Variants in ERBB4 observed in about 807,000 individuals in gnomAD.
ERBB4 encodes erb-b2 receptor tyrosine kinase 4.
A neutral mutation model predicts 158.0 loss-of-function variants in ERBB4; 42 were observed. The ratio of observed to expected loss-of-function variants is 0.27; its 90% confidence interval spans 0.21 to 0.34. ERBB4 has a LOEUF of 0.34. Among genes scored for constraint, ERBB4 ranks in the 10% least tolerant of loss-of-function variants. The pLI is 1.00. For missense variants in ERBB4, 1,333 were observed against 1,624.1 expected, an observed-to-expected ratio of 0.82 and a Z score of 3.08; for synonymous variants, 583 against 558.7, an observed-to-expected ratio of 1.04 and a Z score of -0.61.
At chr2:212,386,204 C>T (rs1287916401) in intron 1 of ERBB4, among the ~76,000 whole-genome samples, 7 of 151,764 alleles carry the variant, frequency 4.6e-5, no homozygotes, top group Non-Finnish European at 1.0e-4. Context: ...AAGGATTCAC[C>T]TTCCAGGTAA....
intron 20 of ERBB4, among the ~76,000 whole-genome samples, chr2:211,547,767 A>T (rs555961655): frequency 6.6e-6 from 1 of 152,252 alleles, no homozygotes; most frequent in South Asian, 2.1e-4. Flanking sequence ...CTGTTAAAAA[A>T]AAAAAGTACC....
At chr2:211,441,583 A>T (rs2063977464) in intron 20 of ERBB4, among the ~76,000 whole-genome samples, 1 of 152,102 alleles carries the variant, frequency 6.6e-6, no homozygotes, top group Non-Finnish European at 1.5e-5. Flanking sequence ...CTCTTCACTG[A>T]TATCTGCAGT....
At chr2:212,061,169 T>C (rs940779032) in intron 2 of ERBB4, among the ~76,000 whole-genome samples, 1 of 151,448 alleles carries the variant, frequency 6.6e-6, no homozygotes, top group Non-Finnish European at 1.5e-5. Flanking sequence ...TTAAAGAGGA[T>C]ATGGAGGCCC....
At chr2:212,251,413 C>T (rs895688472) in intron 1 of ERBB4, among the ~76,000 whole-genome samples, 1 of 151,872 alleles carries the variant, frequency 6.6e-6, no homozygotes, top group African/African-American at 2.4e-5. Context: ...AATCCCTGTC[C>T]TCAAGTACCT....
At chr2:212,206,612 G>C (rs1440954823) in intron 1 of ERBB4, among the ~76,000 whole-genome samples, 1 of 83,418 alleles carries the variant, frequency 1.2e-5, no homozygotes, top group African/African-American at 5.7e-5. Context: ...TTTTGAGACG[G>C]AGTCTCGCTC....
chr2:212,152,308 T>C (rs1372729625), intron 1 of ERBB4, among the ~76,000 whole-genome samples: 2 of 152,152 alleles, frequency 1.3e-5, no homozygotes, highest in Admixed American at 1.3e-4. Flanking sequence ...CCAGAATTAC[T>C]GTGATAATTA....
chr2:212,190,502 A>C (rs1413275421), intron 1 of ERBB4, among the ~76,000 whole-genome samples: 4 of 150,002 alleles, frequency 2.7e-5, no homozygotes, highest in Non-Finnish European at 3.0e-5. Context: ...GTGCCATTGC[A>C]CTCCAGCCTG....
intron 1 of ERBB4, among the ~76,000 whole-genome samples, chr2:212,269,731 C>G (rs1265673480): frequency 6.6e-6 from 1 of 151,728 alleles, no homozygotes; most frequent in Non-Finnish European, 1.5e-5. Flanking sequence ...TTTCTTTCTA[C>G]TTTATGAATA....
chr2:211,851,208 G>T (rs556562131), intron 3 of ERBB4, among the ~76,000 whole-genome samples: 7 of 151,834 alleles, frequency 4.6e-5, no homozygotes, highest in African/African-American at 1.7e-4. Flanking sequence ...AACTGCAAAA[G>T]AAAATTCACA....
intron 25 of ERBB4, among the ~76,000 whole-genome samples, chr2:211,391,750 T>C (rs2062804102): frequency 6.6e-6 from 1 of 152,242 alleles, no homozygotes; most frequent in African/African-American, 2.4e-5. Flanking sequence ...CTTTGTCTCA[T>C]ATGCACAGTA....
intron 6 of ERBB4, among the ~76,000 whole-genome samples, chr2:211,724,462 T>G (rs932395140): frequency 9.2e-5 from 14 of 152,040 alleles, no homozygotes; most frequent in Admixed American, 8.5e-4. Context: ...ATTTTTACGA[T>G]TTTTAGCTTT....
At chr2:212,511,329 T>G (rs1213235562) in intron 1 of ERBB4, among the ~76,000 whole-genome samples, 1 of 152,188 alleles carries the variant, frequency 6.6e-6, no homozygotes, top group African/African-American at 2.4e-5. Flanking sequence ...ACAGTTTTTA[T>G]GAGAATCAAA....
intron 16 of ERBB4, among the ~76,000 whole-genome samples, chr2:211,653,063 G>C (rs1353883854): frequency 6.6e-6 from 1 of 152,036 alleles, no homozygotes; most frequent in Non-Finnish European, 1.5e-5. Context: ...TATGAAAATA[G>C]CATGTATGCA....
At chr2:212,233,583 TATC>T in intron 1 of ERBB4, among the ~76,000 whole-genome samples, 1 of 152,256 alleles carries the variant, frequency 6.6e-6, no homozygotes, top group Non-Finnish European at 1.5e-5. Context: ...TAGACAGATT[TATC>T]ATTATCACAC....
At chr2:212,376,136 G>A (rs963321870) in intron 1 of ERBB4, among the ~76,000 whole-genome samples, 1 of 152,048 alleles carries the variant, frequency 6.6e-6, no homozygotes, top group Non-Finnish European at 1.5e-5. Context: ...AATTAAAGTG[G>A]AGCAACTTTC....
intron 19 of ERBB4, among the ~76,000 whole-genome samples, chr2:211,596,592 C>T (rs2068636116): frequency 1.3e-5 from 2 of 152,108 alleles, no homozygotes. Context: ...TTTTCCAGCA[C>T]CCTGAGACCC....
At chr2:212,080,640 G>A (rs946788586) in intron 2 of ERBB4, among the ~76,000 whole-genome samples, 11 of 143,466 alleles carry the variant, frequency 7.7e-5, no homozygotes, top group Admixed American at 4.3e-4. Context: ...AGATGATTTT[G>A]CGACAAAGTT....
At chr2:211,844,541 C>A (rs1056583343) in intron 3 of ERBB4, among the ~76,000 whole-genome samples, 4 of 152,288 alleles carry the variant, frequency 2.6e-5, no homozygotes, top group African/African-American at 9.6e-5. Context: ...CTGAGAACCT[C>A]TGAAATTGTA....
chr2:211,511,923 A>G (rs1559243778), intron 20 of ERBB4, among the ~76,000 whole-genome samples: 2 of 152,146 alleles, frequency 1.3e-5, no homozygotes, highest in Non-Finnish European at 1.5e-5. Context: ...ACATGGAACA[A>G]TAAGGTCTAA....
Sources: gnomAD v4.1 joint callset for allele counts (sites outside exome capture counted in the v4.1 genomes callset) on GRCh38, gnomAD v4.1.1 for gene constraint, MANE v1.5 for transcripts, NCBI Gene and HGNC (gene_info 2026-07-23, HGNC 2026-07-21) for gene names.